Variants in ACER3 observed in about 807,000 individuals in gnomAD.
ACER3 encodes alkaline ceramidase 3.
In ACER3, 16 loss-of-function variants were observed where a neutral mutation model predicts 48.9. That is an observed-to-expected ratio of 0.33 (90% confidence interval 0.22 to 0.50). ACER3 has a LOEUF of 0.50. ACER3 is among the 20% of genes least tolerant of loss of function. The pLI is 0.98. For missense variants in ACER3, 227 were observed against 326.0 expected, an observed-to-expected ratio of 0.70 and a Z score of 2.34; for synonymous variants, 109 against 107.8, an observed-to-expected ratio of 1.01 and a Z score of -0.07.
At chr11:76,933,703 C>G (rs1302183676) in intron 2 of ACER3, among the ~76,000 whole-genome samples, 1 of 152,234 alleles carries the variant, frequency 6.6e-6, no homozygotes, top group East Asian at 1.9e-4. Context: ...GACACAGCAA[C>G]CATCTGATTT....
intron 6 of ACER3, among the ~76,000 whole-genome samples, chr11:76,998,298 C>A (rs1348998520): frequency 6.6e-6 from 1 of 152,032 alleles, no homozygotes; most frequent in Non-Finnish European, 1.5e-5. Flanking sequence ...TTTTTGGAGA[C>A]TAGGGATGAG....
chr11:76,934,349 G>T (rs1267182245), intron 2 of ACER3, among the ~76,000 whole-genome samples: 2 of 152,208 alleles, frequency 1.3e-5, no homozygotes, highest in Non-Finnish European at 2.9e-5. Flanking sequence ...CTGGGAGGTG[G>T]AGGTTGTAGC....
intron 4 of ACER3, among the ~76,000 whole-genome samples, chr11:76,983,695 C>T (rs751311644): frequency 2.0e-5 from 3 of 152,110 alleles, no homozygotes; most frequent in Non-Finnish European, 4.4e-5. Context: ...TGTATATTGA[C>T]CTTTTATCTT....
intron 2 of ACER3, among the ~76,000 whole-genome samples, chr11:76,938,570 C>T (rs961262398): frequency 6.6e-6 from 1 of 152,164 alleles, no homozygotes; most frequent in Non-Finnish European, 1.5e-5. Context: ...CTTCATGCTT[C>T]AGCCTCCCAA....
At chr11:76,891,650 T>C (rs1474561140) in intron 1 of ACER3, among the ~76,000 whole-genome samples, 3 of 152,194 alleles carry the variant, frequency 2.0e-5, no homozygotes, top group Non-Finnish European at 4.4e-5. Flanking sequence ...GGAGGCTCCC[T>C]TGTGGGACCA....
intron 2 of ACER3, among the ~76,000 whole-genome samples, chr11:76,955,838 A>G (rs1185174584): frequency 6.6e-6 from 1 of 152,256 alleles, no homozygotes; most frequent in Non-Finnish European, 1.5e-5. Flanking sequence ...TGGTATGTTC[A>G]TATAATGGAA....
intron 2 of ACER3, among the ~76,000 whole-genome samples, chr11:76,956,684 C>CTTTTTTTT (rs11368601): frequency 7.0e-6 from 1 of 142,318 alleles, no homozygotes. Context: ...TCCCATCTCA[C>CTTTTTTTT]TTTTTTTTTT....
chr11:76,991,755 G>A (rs1337785105), intron 6 of ACER3, among the ~76,000 whole-genome samples: 1 of 144,884 alleles, frequency 6.9e-6, no homozygotes, highest in Non-Finnish European at 1.5e-5. Flanking sequence ...GGCAGAGGTT[G>A]CAGTGAGCCG....
intron 2 of ACER3, among the ~76,000 whole-genome samples, chr11:76,936,337 A>G (rs550653130): frequency 9.8e-5 from 15 of 152,352 alleles, no homozygotes; most frequent in African/African-American, 3.6e-4. Context: ...ATGTGTTTTA[A>G]TAAATGATGC....
chr11:76,958,850 T>A, intron 2 of ACER3, 129 bp from the exon 3 acceptor site: 2 of 995,966 alleles, frequency 2.0e-6, no homozygotes, highest in Non-Finnish European at 3.0e-6. Context: ...GTCAGCTATA[T>A]CTTGCCACTA....
chr11:76,913,175 G>C (rs1946429835), intron 1 of ACER3, among the ~76,000 whole-genome samples: 1 of 152,136 alleles, frequency 6.6e-6, no homozygotes, highest in East Asian at 1.9e-4. Flanking sequence ...CTGTTTGTCT[G>C]TTATTGGTGT....
chr11:76,909,006 A>G (rs1222479418), intron 1 of ACER3, among the ~76,000 whole-genome samples: 1 of 152,218 alleles, frequency 6.6e-6, no homozygotes, highest in Non-Finnish European at 1.5e-5. Context: ...ACCTGACAAA[A>G]ACAAGAAATG....
chr11:76,868,905 G>A (rs1016110158), intron 1 of ACER3, among the ~76,000 whole-genome samples: 15 of 152,234 alleles, frequency 9.9e-5, no homozygotes, highest in African/African-American at 3.4e-4. Context: ...CCACATAGTA[G>A]GATGGTGCTG....
intron 2 of ACER3, among the ~76,000 whole-genome samples, chr11:76,949,426 G>A (rs1377199649): frequency 6.6e-6 from 1 of 152,162 alleles, no homozygotes; most frequent in Non-Finnish European, 1.5e-5. Context: ...CAAGTCAAAT[G>A]CAGCTCTTCA....
chr11:76,982,758 TTTTG>T (rs1351323283), intron 4 of ACER3, among the ~76,000 whole-genome samples: 7 of 152,160 alleles, frequency 4.6e-5, no homozygotes, highest in Admixed American at 2.0e-4. Context: ...ATCAAAAATA[TTTTG>T]TTTGTTTATT....
chr11:76,982,440 C>T (rs1948606094), intron 4 of ACER3, among the ~76,000 whole-genome samples: 1 of 152,144 alleles, frequency 6.6e-6, no homozygotes, highest in Admixed American at 6.5e-5. Flanking sequence ...TGGTCTCGAT[C>T]TCTTGACCTT....
In ACER3 at chr11:77,020,333, C is replaced by T. The variant is rs1949452206; in HGVS notation, c.*6C>T. 1 of 1,613,138 alleles carries T rather than the reference C, an allele frequency of 6.2e-7. No individual in the cohort carries two copies. Among genetic ancestry groups the T allele is most frequent in the East Asian group, 2.2e-5 (1 of 44,866 alleles). On this transcript the variant is annotated 3_prime_UTR_variant, in exon 11 of 11. Transcript: ENST00000532485. ...AGCCTCTCAGGAAGCATTGATGAAT[C>T]ATTCCACCAAGAAAACAAACAAGCA...
intron 1 of ACER3, among the ~76,000 whole-genome samples, chr11:76,917,582 C>T (rs758137653): frequency 3.3e-5 from 5 of 151,796 alleles, no homozygotes; most frequent in African/African-American, 4.8e-5. Flanking sequence ...ATTGGCCAGG[C>T]GCAGTGGCTC....
chr11:77,012,236 A>G (rs7926409), intron 7 of ACER3, among the ~76,000 whole-genome samples: 107,692 of 151,518 alleles, frequency 0.71, 38,673 homozygotes, highest in Non-Finnish European at 0.77. Context: ...TGGCCAACAC[A>G]GTGAAACCCC....
Sources: gnomAD v4.1 joint callset for allele counts (sites outside exome capture counted in the v4.1 genomes callset) on GRCh38, gnomAD v4.1.1 for gene constraint, MANE v1.5 for transcripts, NCBI Gene and HGNC (gene_info 2026-07-23, HGNC 2026-07-21) for gene names.